CUX2: variants seen among roughly 807,000 people sequenced by gnomAD.
The protein encoded by CUX2 is homeobox protein cut-like 2.
Under a neutral mutation model 144.8 loss-of-function variants are expected in CUX2, and 40 were observed. That is an observed-to-expected ratio of 0.28 (90% CI 0.21 to 0.36). The LOEUF (loss-of-function observed/expected upper bound fraction) is 0.36, where lower values mean the gene tolerates loss of function less well. Among genes scored for constraint, CUX2 ranks in the 10% least tolerant of loss-of-function variants. The pLI, the probability that CUX2 is intolerant of heterozygous loss-of-function variation, is 1.00. For missense variants in CUX2, 1,615 were observed against 1,994.0 expected (o/e 0.81, Z 3.62); for synonymous variants, 827 against 875.6 (o/e 0.94, Z 0.98).
chr12:111,151,188 ATAAT>A (rs1287119364), intron 1 of CUX2, among the ~76,000 whole-genome samples: 9 of 152,236 alleles, frequency 5.9e-5, no homozygotes, highest in Non-Finnish European at 4.4e-5. Flanking sequence ...AGAGCTAATA[ATAAT>A]TCAGATTATT....
At chr12:111,107,120 A>C (rs1235349389) in intron 1 of CUX2, among the ~76,000 whole-genome samples, 1 of 152,176 alleles carries the variant, frequency 6.6e-6, no homozygotes, top group Non-Finnish European at 1.5e-5. Flanking sequence ...TTCTGTCCCC[A>C]TTTTACAGGT....
chr12:111,337,972 C>T (rs577439757), intron 19 of CUX2, among the ~76,000 whole-genome samples: 1 of 151,858 alleles, frequency 6.6e-6, no homozygotes, highest in Non-Finnish European at 1.5e-5. Context: ...GAGGCAGAGG[C>T]TGCAGGGAGC....
chr12:111,299,487 AGGT>A (rs1266802748), intron 9 of CUX2, among the ~76,000 whole-genome samples: 70 of 152,238 alleles, frequency 4.6e-4, no homozygotes, highest in African/African-American at 1.6e-3. Context: ...AGCCACCAGA[AGGT>A]GCAGGCCTGG....
rs759011988 is a variant in CUX2, at chr12:111,342,066, G to A, written c.3659+13G>A. The A allele has an allele frequency of 3.1e-6, 5 of 1,600,594 alleles. No individual in the cohort carries two copies. Among genetic ancestry groups the A allele is most frequent in the Non-Finnish European group, 4.3e-6 (5 of 1,172,400 alleles). ...TCCACAACTACAGGTGGGACTATGGGGGCGTACCCACAGGCGGGTGGCAGA... is the reference window on the plus strand; with the variant it reads ...TCCACAACTACAGGTGGGACTATGGAGGCGTACCCACAGGCGGGTGGCAGA... On this transcript the variant is annotated intron_variant, in intron 21 of 21. Transcript: ENST00000261726.
At position 111,034,923 on chromosome 12, in the gene CUX2, TCTC is replaced by T. The variant is rs1319134358; in HGVS notation, c.63+687_63+689del. Reference sequence around the variant, plus strand: ...TGGCCGCAAGCGCCGGCAGACCTCTTCTCCTCGGGCCGGGGTCTTGGGGTTCGT... The same window carrying T: ...TGGCCGCAAGCGCCGGCAGACCTCTTCTCGGGCCGGGGTCTTGGGGTTCGT... On this transcript the variant is annotated intron_variant, in intron 1 of 21. Coordinates refer to ENST00000261726, the MANE Select transcript of CUX2 (RefSeq NM_015267.4). The surrounding 1 kb of genome is among the most constrained non-coding windows in gnomAD (Gnocchi z 4.2). 1.3e-5 allele frequency among the ~76,000 whole-genome samples: 2 copies of T among 151,484 alleles called. No individual in the cohort carries two copies. The highest frequency in any genetic ancestry group is 1.3e-4 in the Admixed American group (2 of 15,242).
chr12:111,187,940 C>T (rs536036469), intron 1 of CUX2, among the ~76,000 whole-genome samples: 9 of 152,372 alleles, frequency 5.9e-5, no homozygotes, highest in Admixed American at 1.3e-4. Context: ...CCAGAGCCAT[C>T]GATCACAGGC....
At chr12:111,319,918 C>A in intron 16 of CUX2, 94 bp from the exon 17 acceptor site, 1 of 1,390,928 alleles carries the variant, frequency 7.2e-7, no homozygotes. Context: ...TGCCTGGACA[C>A]CGTGCTGGCA....
chr12:111,330,029 G>T lies in CUX2; in HGVS notation c.2927-4412G>T, dbSNP rs565485300. On this transcript the variant is annotated intron_variant, in intron 18 of 21. Transcript: ENST00000261726. The stretch of plus-strand genomic sequence containing the variant: ...GACAGACTCTCACTTTCCCAGACTG[G>T]CCCTCCCACACCAACATGGCATCAG... Among the ~76,000 whole-genome samples, 4 of 152,248 alleles carry T rather than the reference G, an allele frequency of 2.6e-5. No homozygotes were observed. In the South Asian group the frequency reaches 8.3e-4, roughly 32 times the overall value.
At chr12:111,102,154 G>A (rs573964206) in intron 1 of CUX2, among the ~76,000 whole-genome samples, 24 of 152,324 alleles carry the variant, frequency 1.6e-4, no homozygotes, top group Non-Finnish European at 2.8e-4. Flanking sequence ...GGGCATGCCC[G>A]AGGCATCGTG....
chr12:111,197,130 C>T (rs972155661), intron 1 of CUX2, among the ~76,000 whole-genome samples: 3 of 152,148 alleles, frequency 2.0e-5, no homozygotes, highest in African/African-American at 7.2e-5. Context: ...AGACCTGGGG[C>T]AACTGACCTA....
chr12:111,034,268 G>C lies in CUX2; in HGVS notation c.63+28G>C, dbSNP rs1354621406. On this transcript the variant is annotated intron_variant, in intron 1 of 21. Coordinates refer to ENST00000261726, the MANE Select transcript of CUX2 (RefSeq NM_015267.4). The surrounding 1 kb of genome is among the most constrained non-coding windows in gnomAD (Gnocchi z 4.2). ...TAGTGCGGGCAGCGCCGGCCGCGCG[G>C]CCGTGAGGAGCCCCCGGGCGCGCCC... 2 of 1,303,908 alleles carry C rather than the reference G, an allele frequency of 1.5e-6. No homozygotes were observed. The highest frequency in any genetic ancestry group is 2.0e-6 in the Non-Finnish European group (2 of 992,518). The allele number at this position is 1,303,908 out of a possible 1,614,324, so 80.8% of individuals were successfully genotyped here.
intron 1 of CUX2, among the ~76,000 whole-genome samples, chr12:111,141,560 T>C (rs996545222): frequency 1.4e-4 from 21 of 152,130 alleles, no homozygotes; most frequent in Non-Finnish European, 2.8e-4. Flanking sequence ...TATCCCTATG[T>C]TACAGGAGGG....
intron 3 of CUX2, among the ~76,000 whole-genome samples, chr12:111,254,123 C>T (rs1478953882): frequency 6.6e-6 from 1 of 152,218 alleles, no homozygotes; most frequent in Non-Finnish European, 1.5e-5. Context: ...GCTAGCATTC[C>T]TGCAGCCCTG....
chr12:111,148,475 G>A lies in CUX2; in HGVS notation c.64-65725G>A, dbSNP rs139141079. 1.1e-3 allele frequency among the ~76,000 whole-genome samples: 175 copies of A among 152,298 alleles called. 1 individual carries two copies. The highest frequency in any genetic ancestry group is 2.2e-3 in the Non-Finnish European group (150 of 68,026). On this transcript the variant is annotated intron_variant, in intron 1 of 21. Transcript: ENST00000261726. ...GGTGATGTTGCACAATTATGTGAATGTATTTAATGCCACAGAACTGTACAT... is the reference window on the plus strand; with the variant it reads ...GGTGATGTTGCACAATTATGTGAATATATTTAATGCCACAGAACTGTACAT...
chr12:111,140,864 T>G (rs1876270140), intron 1 of CUX2, among the ~76,000 whole-genome samples: 2 of 152,236 alleles, frequency 1.3e-5, no homozygotes, highest in Admixed American at 1.3e-4. Context: ...TTCAGTTTTA[T>G]TTCCTTGGCT....
At chr12:111,140,656 G>A (rs902929271) in intron 1 of CUX2, among the ~76,000 whole-genome samples, 17 of 152,334 alleles carry the variant, frequency 1.1e-4, no homozygotes, top group African/African-American at 4.1e-4. Flanking sequence ...GGCTGCCGTG[G>A]TCCGAAGCTA....
chr12:111,217,963 C>G lies in CUX2; in HGVS notation c.222+26C>G, dbSNP rs576157014. Reference sequence around the variant, plus strand: ...GTAAGACCCAGGGCCCACAGCATGTCAGAAAAGTGCCCCCAATGGCTCCCC... The same window carrying G: ...GTAAGACCCAGGGCCCACAGCATGTGAGAAAAGTGCCCCCAATGGCTCCCC... On this transcript the variant is annotated intron_variant, in intron 3 of 21. Coordinates refer to ENST00000261726, the MANE Select transcript of CUX2 (RefSeq NM_015267.4). 21 of 1,613,484 alleles carry G rather than the reference C, an allele frequency of 1.3e-5. No individual in the cohort carries two copies. The Admixed American group carries it at 1.7e-4, about 13-fold the overall frequency.
intron 1 of CUX2, among the ~76,000 whole-genome samples, chr12:111,104,447 C>G (rs1308498703): frequency 6.6e-6 from 1 of 152,138 alleles, no homozygotes; most frequent in Non-Finnish European, 1.5e-5. Context: ...CAGAGGGTTC[C>G]AAAGCTTTGG....
At chr12:111,131,174 C>G (rs932352356) in intron 1 of CUX2, among the ~76,000 whole-genome samples, 4 of 152,066 alleles carry the variant, frequency 2.6e-5, no homozygotes, top group African/African-American at 9.7e-5. Flanking sequence ...TGGCAGGAGG[C>G]AAAAGGCACT....
Sources: gnomAD v4.1 joint callset for allele counts (sites outside exome capture counted in the v4.1 genomes callset) on GRCh38, gnomAD v4.1.1 for gene constraint, Gnocchi (gnomAD v3.1) non-coding constraint, MANE v1.5 for transcripts, NCBI Gene and HGNC (gene_info 2026-07-23, HGNC 2026-07-21) for gene names.